The following ACSL4 variants were observed in gnomAD, a reference collection of about 807,000 sequenced individuals.
ACSL4 encodes acyl-CoA synthetase long chain family member 4, also known as long-chain-fatty-acid--CoA ligase 4.
In ACSL4, 9 loss-of-function variants were observed where a neutral mutation model predicts 49.1. That is an observed-to-expected ratio of 0.18 (90% CI 0.11 to 0.32). The LOEUF (loss-of-function observed/expected upper bound fraction) is 0.32, where lower values mean the gene tolerates loss of function less well. Among genes scored for constraint, ACSL4 ranks in the 10% least tolerant of loss-of-function variants. The pLI, the probability that ACSL4 is intolerant of heterozygous loss-of-function variation, is 1.00. For synonymous variants in ACSL4, 191 were observed against 170.3 expected (o/e 1.12, Z -0.95); for missense variants, 333 against 493.7 (o/e 0.67, Z 3.08).
intron 8 of ACSL4, among the ~76,000 whole-genome samples, chrX:109,675,070 T>C (rs778172076): frequency 1.8e-5 from 2 of 112,528 alleles, no homozygotes; most frequent in South Asian, 7.3e-4. Flanking sequence ...TTCTTTAATA[T>C]GGATAAAGGA....
intron 1 of ACSL4, among the ~76,000 whole-genome samples, chrX:109,700,321 G>A (rs1382826165): frequency 1.8e-5 from 2 of 109,557 alleles, no homozygotes; most frequent in Non-Finnish European, 3.8e-5. Flanking sequence ...CCTGAGGTCA[G>A]GAGTTCAAGA....
At chrX:109,732,320 G>C (rs1928528895) in intron 1 of ACSL4, among the ~76,000 whole-genome samples, 1 of 111,707 alleles carries the variant, frequency 9.0e-6, no homozygotes, top group Non-Finnish European at 1.9e-5. Context: ...GGAGATGCTG[G>C]AGTGAAGAGG....
At chrX:109,657,279 T>C (rs1294737994) in intron 15 of ACSL4, among the ~76,000 whole-genome samples, 1 of 111,328 alleles carries the variant, frequency 9.0e-6, no homozygotes, top group Non-Finnish European at 1.9e-5. Flanking sequence ...GTTTGTTACA[T>C]ATGTATACAT....
intron 1 of ACSL4, among the ~76,000 whole-genome samples, chrX:109,703,260 A>G (rs1195663056): frequency 9.0e-6 from 1 of 111,721 alleles, no homozygotes; most frequent in East Asian, 2.8e-4. Flanking sequence ...ACACAGCATC[A>G]TTTTTGTGGT....
intron 15 of ACSL4, among the ~76,000 whole-genome samples, chrX:109,659,003 A>AT (rs747364547): frequency 3.1e-4 from 35 of 112,411 alleles, no homozygotes; most frequent in Non-Finnish European, 6.4e-4. Flanking sequence ...CACACAAAGC[A>AT]TAATCATGGT....
chrX:109,681,058 C>G lies in ACSL4; in HGVS notation c.595G>C (p.Glu199Gln). ...NKAINKAEYP[E>Q]GFEIHSMQSV... ...TGCATGCTGTGAATCTCAAATCCTT[C>G]AGGGTACTCTGCTTTATTGATAGCC... The change falls in exon 6 of 16, where the codon GAA (glutamate) becomes CAA (glutamine). Residue 199 changes from glutamate (E) to glutamine (Q), a missense_variant. Physicochemically the swap from Glu to Gln is conservative, Grantham distance 29. Around this residue, in one of 3 missense-constraint regions of ACSL4, gnomAD observed 157 missense variants for 201.1 expected, o/e 0.78. Coordinates refer to ENST00000672401, the MANE Select transcript of ACSL4 (RefSeq NM_001318510.2). 8.3e-7 allele frequency: 1 copy of G among 1,210,033 alleles called. No homozygotes were observed. The highest frequency in any genetic ancestry group is 1.1e-6 in the Non-Finnish European group (1 of 894,281).
Position 109,663,373 on chromosome X carries a change from G to A in ACSL4, c.1420C>T (p.Pro474Ser). 8.3e-7 allele frequency: 1 copy of A among 1,209,354 alleles called. No homozygotes were observed. Among genetic ancestry groups the A allele is most frequent in the South Asian group, 1.8e-5 (1 of 56,800 alleles). ...CCACCAATTACGATTTCACCTCTGG[G>A]GTTTGGCTTGTCATTAATTGTATAA... is the stretch of plus-strand genomic sequence containing the variant. ...GGYTINDKPN[P>S]RGEIVIGGQN... is the part of the protein sequence containing the mutation. The change falls in exon 13 of 16, where the codon CCC (proline) becomes TCC (serine). Residue 474 changes from proline (P) to serine (S), a missense_variant. This residue lies in a region of ACSL4 where 175 missense variants were observed against 275.8 expected (regional missense o/e 0.63). Transcript: ENST00000672401.
intron 10 of ACSL4, 23 bp downstream of exon 10, chrX:109,669,011 C>A: frequency 8.4e-7 from 1 of 1,191,866 alleles, no homozygotes; most frequent in Non-Finnish European, 1.1e-6. Flanking sequence ...GCTCAAACCA[C>A]AGAGCCTATG....
At chrX:109,689,149 C>A (rs1025791838) in intron 2 of ACSL4, among the ~76,000 whole-genome samples, 1 of 111,334 alleles carries the variant, frequency 9.0e-6, no homozygotes, top group Non-Finnish European at 1.9e-5. Flanking sequence ...CTTTTACCCC[C>A]CTCTCTTTCT....
intron 15 of ACSL4, among the ~76,000 whole-genome samples, chrX:109,653,888 T>A (rs1921396276): frequency 9.2e-6 from 1 of 108,812 alleles, no homozygotes; most frequent in Non-Finnish European, 1.9e-5. Context: ...CACACCAGCA[T>A]GGCACATGTA....
intron 4 of ACSL4, among the ~76,000 whole-genome samples, chrX:109,682,479 T>C (rs1389768981): frequency 1.0e-5 from 1 of 98,027 alleles, no homozygotes; most frequent in African/African-American, 3.9e-5. Flanking sequence ...AATTGGAAAA[T>C]AAAAGTGTAA....
chrX:109,715,594 C>A (rs1603411330), intron 1 of ACSL4, among the ~76,000 whole-genome samples: 3 of 110,706 alleles, frequency 2.7e-5, no homozygotes, highest in Non-Finnish European at 3.8e-5. Flanking sequence ...GAGCTGAGAT[C>A]ATGCCACTGC....
intron 11 of ACSL4, among the ~76,000 whole-genome samples, chrX:109,665,753 G>A (rs142566018): frequency 9.0e-6 from 1 of 111,695 alleles, no homozygotes; most frequent in African/African-American, 3.3e-5. Context: ...TGGCTCCACC[G>A]TTATCTACCT....
intron 15 of ACSL4, among the ~76,000 whole-genome samples, chrX:109,649,249 G>A (rs1033651922): frequency 9.0e-6 from 1 of 111,556 alleles, no homozygotes; most frequent in African/African-American, 3.3e-5. Flanking sequence ...CAAAGCTGGG[G>A]GCATCACGCT....
intron 12 of ACSL4, 119 bp from the exon 13 acceptor site, chrX:109,663,521 C>T (rs1922351489): frequency 6.3e-6 from 4 of 636,096 alleles, no homozygotes; most frequent in Non-Finnish European, 9.9e-6. Flanking sequence ...TATGAGAGAA[C>T]ATTAGTTTAT....
At chrX:109,694,652 A>C (rs1464785095) in intron 2 of ACSL4, among the ~76,000 whole-genome samples, 2 of 111,830 alleles carry the variant, frequency 1.8e-5, no homozygotes, top group African/African-American at 6.5e-5. Context: ...AGAAAGATAT[A>C]TTCTATAAGA....
chrX:109,670,969 T>C (rs935089347), intron 9 of ACSL4, among the ~76,000 whole-genome samples: 1 of 112,250 alleles, frequency 8.9e-6, no homozygotes, highest in Admixed American at 9.3e-5. Context: ...TGATCTCGGC[T>C]GGCTACAACC....
At chrX:109,720,574 C>G (rs965511706) in intron 1 of ACSL4, among the ~76,000 whole-genome samples, 7 of 111,560 alleles carry the variant, frequency 6.3e-5, no homozygotes, top group African/African-American at 2.3e-4. Context: ...ACATGTAACT[C>G]TATTTGAATG....
intron 6 of ACSL4, among the ~76,000 whole-genome samples, chrX:109,680,118 G>A (rs185300247): frequency 9.0e-6 from 1 of 111,580 alleles, no homozygotes; most frequent in Non-Finnish European, 1.9e-5. Context: ...CCTCTCTTAT[G>A]ACACAAATGC....
Sources: gnomAD v4.1 joint callset for allele counts (sites outside exome capture counted in the v4.1 genomes callset) on GRCh38, gnomAD v4.1.1 for gene constraint, gnomAD v4.1.1 regional missense constraint, MANE v1.5 for transcripts, NCBI Gene and HGNC (gene_info 2026-07-23, HGNC 2026-07-21) for gene names.